Variants in ADAMTSL1 observed in about 807,000 individuals in gnomAD.
ADAMTSL1 encodes the protein ADAMTS like 1.
Under a neutral mutation model 201.8 loss-of-function variants are expected in ADAMTSL1, and 126 were observed. The ratio of observed to expected loss-of-function variants is 0.62; its 90% CI spans 0.54 to 0.72. ADAMTSL1 has a LOEUF of 0.72. Ranked by LOEUF, ADAMTSL1 falls within the 30% of genes least tolerant of loss-of-function variation. ADAMTSL1 has a pLI of 0.00. For synonymous variants in ADAMTSL1, 1,121 were observed against 903.4 expected, an observed-to-expected ratio of 1.24 and a Z score of -4.32; for missense variants, 2,679 against 2,277.8, an observed-to-expected ratio of 1.18 and a Z score of -3.59.
intron 2 of ADAMTSL1, among the ~76,000 whole-genome samples, chr9:18,187,562 T>C (rs1828793783): frequency 6.6e-6 from 1 of 152,114 alleles, no homozygotes; most frequent in Non-Finnish European, 1.5e-5. Context: ...TGTGTATACA[T>C]TTATATGATC....
intron 4 of ADAMTSL1, among the ~76,000 whole-genome samples, chr9:18,589,096 C>A (rs1027317707): frequency 6.6e-6 from 1 of 151,606 alleles, no homozygotes; most frequent in African/African-American, 2.4e-5. Context: ...AGGCTGGCCT[C>A]GAACTCCTGA....
chr9:18,323,346 A>G (rs898246090), intron 2 of ADAMTSL1, among the ~76,000 whole-genome samples: 8 of 152,230 alleles, frequency 5.3e-5, no homozygotes, highest in Admixed American at 5.2e-4. Context: ...CCCATTTGTG[A>G]TTTAAAACTT....
intron 2 of ADAMTSL1, among the ~76,000 whole-genome samples, chr9:18,178,766 G>C (rs1416239387): frequency 2.6e-5 from 4 of 152,124 alleles, no homozygotes; most frequent in African/African-American, 4.8e-5. Flanking sequence ...AGCAGGGGCA[G>C]ACTGACACCT....
chr9:18,474,460 T>G (rs758597483), intron 1 of ADAMTSL1, among the ~76,000 whole-genome samples, 165 bp downstream of exon 1: 3 of 152,090 alleles, frequency 2.0e-5, no homozygotes, highest in Non-Finnish European at 2.9e-5. Flanking sequence ...TTCTAGAACT[T>G]TTAACCTCAA....
At chr9:18,046,949 G>T (rs898386257) in intron 1 of ADAMTSL1, among the ~76,000 whole-genome samples, 1 of 152,084 alleles carries the variant, frequency 6.6e-6, no homozygotes, top group Non-Finnish European at 1.5e-5. Context: ...TGGAACTGAA[G>T]AAAATTTAAT....
chr9:18,716,479 G>A (rs1370377114), intron 14 of ADAMTSL1, among the ~76,000 whole-genome samples: 1 of 152,202 alleles, frequency 6.6e-6, no homozygotes, highest in South Asian at 2.1e-4. Context: ...CAAAAACCAC[G>A]TGAAAAAATG....
chr9:17,946,781 G>A (rs1225429323), intron 1 of ADAMTSL1, among the ~76,000 whole-genome samples: 2 of 151,990 alleles, frequency 1.3e-5, no homozygotes, highest in Admixed American at 6.6e-5. Context: ...TAATTTCAAG[G>A]TCTTCCTGTT....
At chr9:18,029,982 AGT>A (rs1263422279) in intron 1 of ADAMTSL1, among the ~76,000 whole-genome samples, 1 of 151,762 alleles carries the variant, frequency 6.6e-6, no homozygotes, top group Non-Finnish European at 1.5e-5. Flanking sequence ...TGTGGAAGTC[AGT>A]GTGGCGATTC....
At chr9:18,501,066 G>T (rs372803775) in intron 1 of ADAMTSL1, among the ~76,000 whole-genome samples, 7 of 152,228 alleles carry the variant, frequency 4.6e-5, no homozygotes, top group Admixed American at 2.0e-4. Context: ...TTAGATTTTT[G>T]ATTTCAGAAG....
intron 17 of ADAMTSL1, 137 bp downstream of exon 17, chr9:18,770,918 ATACCG>A: frequency 1.0e-6 from 1 of 957,226 alleles, no homozygotes; most frequent in Non-Finnish European, 1.5e-6. Flanking sequence ...GTAACCATAT[ATACCG>A]TAGTGTGTAA....
intron 14 of ADAMTSL1, among the ~76,000 whole-genome samples, chr9:18,707,500 G>T (rs1185156707): frequency 6.6e-5 from 10 of 152,216 alleles, no homozygotes; most frequent in Admixed American, 6.5e-4. Context: ...TCGAGGAAGG[G>T]TGTCTAAAAG....
intron 2 of ADAMTSL1, among the ~76,000 whole-genome samples, chr9:18,456,482 CA>C (rs1234014326): frequency 6.6e-6 from 1 of 152,118 alleles, no homozygotes; most frequent in African/African-American, 2.4e-5. Flanking sequence ...CTGCACTAGT[CA>C]GGGGTGTTAT....
intron 2 of ADAMTSL1, among the ~76,000 whole-genome samples, chr9:18,516,196 C>G (rs905267563): frequency 6.6e-6 from 1 of 151,774 alleles, no homozygotes; most frequent in East Asian, 1.9e-4. Context: ...AAAGAGTTAT[C>G]TGACCCTGTT....
intron 10 of ADAMTSL1, among the ~76,000 whole-genome samples, chr9:18,677,672 T>A (rs1488262874): frequency 6.6e-6 from 1 of 152,082 alleles, no homozygotes; most frequent in Non-Finnish European, 1.5e-5. Flanking sequence ...AATTGATTTC[T>A]TATAGGTTGG....
chr9:18,173,549 G>A (rs961554529), intron 2 of ADAMTSL1, among the ~76,000 whole-genome samples: 2 of 151,962 alleles, frequency 1.3e-5, no homozygotes, highest in African/African-American at 2.4e-5. Context: ...AGCTTACACA[G>A]CCCCTATCTT....
intron 1 of ADAMTSL1, among the ~76,000 whole-genome samples, chr9:18,039,207 A>G (rs1821333633): frequency 6.6e-6 from 1 of 152,232 alleles, no homozygotes. Context: ...CCATTAAAAG[A>G]AGACTGAATT....
chr9:18,213,173 C>T (rs1829939937), intron 2 of ADAMTSL1, among the ~76,000 whole-genome samples: 1 of 152,190 alleles, frequency 6.6e-6, no homozygotes, highest in African/African-American at 2.4e-5. Flanking sequence ...TTCCCTCTTT[C>T]CCCTCCTTGG....
intron 4 of ADAMTSL1, among the ~76,000 whole-genome samples, chr9:18,615,612 A>T (rs2132633891): frequency 6.6e-6 from 1 of 152,310 alleles, no homozygotes; most frequent in African/African-American, 2.4e-5. Flanking sequence ...TTCACCAGCT[A>T]TGTGACCTTG....
chr9:18,751,457 G>A (rs1206236288), intron 15 of ADAMTSL1, among the ~76,000 whole-genome samples: 2 of 152,298 alleles, frequency 1.3e-5, no homozygotes, highest in East Asian at 3.9e-4. Context: ...TCCCTCAACT[G>A]TAAAATGAAG....
Sources: allele counts gnomAD v4.1 joint callset (sites outside exome capture counted in the v4.1 genomes callset), GRCh38; gene constraint gnomAD v4.1.1; transcripts MANE v1.5; gene names NCBI Gene and HGNC (gene_info 2026-07-23, HGNC 2026-07-21).